Variants in MYLK observed in about 807,000 individuals in gnomAD.
MYLK encodes the protein myosin light chain kinase, smooth muscle.
A neutral mutation model predicts 203.4 loss-of-function variants in MYLK; 106 were observed. The ratio of observed to expected loss-of-function variants is 0.52; its 90% CI spans 0.45 to 0.61. The LOEUF (loss-of-function observed/expected upper bound fraction) is 0.61. Ranked by LOEUF, MYLK falls within the 20% of genes least tolerant of loss-of-function variation. MYLK has a pLI of 0.00. For synonymous variants in MYLK, 867 were observed against 959.5 expected (o/e 0.90, Z 1.78); for missense variants, 2,072 against 2,442.3 (o/e 0.85, Z 3.20).
intron 2 of MYLK, among the ~76,000 whole-genome samples, chr3:123,862,819 A>G (rs577147606): frequency 1.2e-4 from 18 of 151,928 alleles, no homozygotes; most frequent in Non-Finnish European, 2.4e-4. Context: ...TTGTTCTTCC[A>G]AGTTTTTCCG....
chr3:123,857,190 C>G (rs2031474368), intron 2 of MYLK, among the ~76,000 whole-genome samples: 1 of 152,214 alleles, frequency 6.6e-6, no homozygotes, highest in East Asian at 1.9e-4. Flanking sequence ...CACTTTTACG[C>G]TGTTGGTGGG....
Position 123,724,139 on chromosome 3 carries a change from C to CTTTTTTTTTTTTTTTTTTTTTTTTTTT in MYLK, c.1651+1804_1651+1805insAAAAAAAAAAAAAAAAAAAAAAAAAAA. The stretch of plus-strand genomic sequence containing the variant: ...TTTTGCTAAGCCTGGCTAAGTTTTG[C>CTTTTTTTTTTTTTTTTTTTTTTTTTTT]TTTTTTTTTTTTTTTTTTTTTTTTT... On this transcript the variant is annotated intron_variant, in intron 12 of 33. Transcript: ENST00000360304. Among the ~76,000 whole-genome samples, 2 of 80,850 alleles carry CTTTTTTTTTTTTTTTTTTTTTTTTTTT rather than the reference C, an allele frequency of 2.5e-5. 1 individual carries two copies. The highest frequency in any genetic ancestry group is 1.1e-4 in the African/African-American group (2 of 18,890). 53.0% of individuals were successfully genotyped at this position (80,850 alleles called of 152,430 possible). A position where few individuals can be genotyped will look rare whatever the true frequency, so the allele number is the denominator to read the frequency against.
chr3:123,802,642 C>T (rs2065235133), intron 3 of MYLK, among the ~76,000 whole-genome samples: 1 of 152,226 alleles, frequency 6.6e-6, no homozygotes, highest in Non-Finnish European at 1.5e-5. Context: ...ACACACCTAA[C>T]CTCACGCACA....
At chr3:123,856,649 G>A (rs1011114428) in intron 2 of MYLK, among the ~76,000 whole-genome samples, 2 of 152,118 alleles carry the variant, frequency 1.3e-5, no homozygotes, top group African/African-American at 2.4e-5. Context: ...ATAGGAAACA[G>A]GCTCAGAGAA....
At chr3:123,867,873 C>G (rs967680524) in intron 2 of MYLK, among the ~76,000 whole-genome samples, 1 of 152,194 alleles carries the variant, frequency 6.6e-6, no homozygotes, top group African/African-American at 2.4e-5. Flanking sequence ...CCTGCCTCCC[C>G]CAACACCACT....
intron 6 of MYLK, among the ~76,000 whole-genome samples, chr3:123,739,391 C>T (rs1049935362): frequency 5.3e-5 from 8 of 152,192 alleles, no homozygotes; most frequent in Admixed American, 3.9e-4. Flanking sequence ...CTTCCAGGGC[C>T]GACTCATAAG....
chr3:123,696,031 C>T (rs981187056), intron 18 of MYLK, among the ~76,000 whole-genome samples: 9 of 152,184 alleles, frequency 5.9e-5, no homozygotes, highest in South Asian at 2.1e-4. Flanking sequence ...GACACCTCCA[C>T]GTGTCTGTGT....
At chr3:123,759,407 T>G (rs2063464273) in intron 4 of MYLK, among the ~76,000 whole-genome samples, 1 of 152,142 alleles carries the variant, frequency 6.6e-6, no homozygotes, top group African/African-American at 2.4e-5. Flanking sequence ...TGCTACCAAA[T>G]AGAGATGCAC....
At chr3:123,758,223 C>T (rs552019570) in intron 4 of MYLK, among the ~76,000 whole-genome samples, 1 of 152,250 alleles carries the variant, frequency 6.6e-6, no homozygotes, top group South Asian at 2.1e-4. Context: ...TGGCACTCAG[C>T]CCCATAAGCA....
Position 123,621,882 on chromosome 3 carries a change from T to A in MYLK, c.5239-1546A>T, listed in dbSNP as rs2057881878. 2.6e-5 allele frequency: 4 copies of A among 152,270 alleles called. No homozygotes were observed. In the South Asian group the frequency reaches 8.3e-4, roughly 31 times the overall value. 9.4% of individuals were successfully genotyped at this position (152,270 alleles called of 1,614,324 possible). On this transcript the variant is annotated intron_variant, in intron 31 of 33. Coordinates refer to ENST00000360304, the MANE Select transcript of MYLK (RefSeq NM_053025.4). ...GGTGGAGGTGATGAGGAGGGGAAGA[T>A]GGTGAGAGATGAAAACTGAACAACT...
At chr3:123,858,490 A>T (rs898672659) in intron 2 of MYLK, among the ~76,000 whole-genome samples, 2 of 152,180 alleles carry the variant, frequency 1.3e-5, no homozygotes, top group Non-Finnish European at 2.9e-5. Flanking sequence ...CAAGGTCGAG[A>T]GGCTACATCT....
chr3:123,682,123 G>C (rs2060286105), intron 20 of MYLK, 101 bp downstream of exon 20: 1 of 885,914 alleles, frequency 1.1e-6, no homozygotes, highest in South Asian at 1.4e-5. Flanking sequence ...ATTCAGGCAA[G>C]AGTGAGTGAC....
intron 18 of MYLK, among the ~76,000 whole-genome samples, chr3:123,694,443 T>G (rs1163626389): frequency 1.3e-5 from 2 of 151,928 alleles, no homozygotes; most frequent in African/African-American, 4.8e-5. Context: ...GAGAGAACTT[T>G]CCATTCATCT....
At chr3:123,708,627 G>GC in intron 15 of MYLK, 71 bp downstream of exon 15, 1 of 1,567,794 alleles carries the variant, frequency 6.4e-7, no homozygotes, top group African/African-American at 1.3e-5. Context: ...TGGTTTCCTT[G>GC]CCTCCAAATC....
At chr3:123,810,240 C>A (rs909492711) in intron 3 of MYLK, among the ~76,000 whole-genome samples, 1 of 152,210 alleles carries the variant, frequency 6.6e-6, no homozygotes, top group East Asian at 1.9e-4. Flanking sequence ...GCCCCTCCCC[C>A]AGACCTCAGG....
intron 2 of MYLK, among the ~76,000 whole-genome samples, chr3:123,845,599 A>C (rs1003738656): frequency 6.6e-6 from 1 of 152,114 alleles, no homozygotes; most frequent in African/African-American, 2.4e-5. Flanking sequence ...CAAGCAATCC[A>C]TCTGCCGTAG....
chr3:123,827,018 A>G (rs1553859243), intron 3 of MYLK, among the ~76,000 whole-genome samples: 1 of 152,252 alleles, frequency 6.6e-6, no homozygotes, highest in Non-Finnish European at 1.5e-5. Context: ...AAAATCAGAA[A>G]ATATGTTACC....
rs372839274 is a variant in MYLK at position 123,632,315 on chromosome 3, C to G, written c.4962-2689G>C. ...AGCCTGTCTCTTGCCTGTCAGCCAC[C>G]TGCTGCTTCTTTACATTTTCCACTG... On this transcript the variant is annotated intron_variant, in intron 29 of 33. Coordinates refer to ENST00000360304, the MANE Select transcript of MYLK (RefSeq NM_053025.4). 5.3e-5 allele frequency among the ~76,000 whole-genome samples: 8 copies of G among 152,318 alleles called. No individual in the cohort carries two copies. In the South Asian group the frequency reaches 1.5e-3, roughly 28 times the overall value.
In MYLK at chr3:123,700,759, C is replaced by T; in HGVS notation, c.2709G>A (p.Lys903=). 5 of 1,614,216 alleles carry T rather than the reference C, an allele frequency of 3.1e-6. No homozygotes were observed. Among genetic ancestry groups the T allele is most frequent in the Non-Finnish European group, 3.4e-6 (4 of 1,180,028 alleles). The change falls in exon 18 of 34, where the codon AAG becomes AAA. Residue 903 remains lysine (K), a synonymous_variant. Coordinates refer to ENST00000360304, the MANE Select transcript of MYLK (RefSeq NM_053025.4). ...EQLDFRDLLG[K]KVSTKTLSED... ...CCGATAGGGTCTTTGTACTCACCTT[C>T]TTCCCCAGGAGGTCTCGGAAGTCCA...
Sources: allele counts gnomAD v4.1 joint callset (sites outside exome capture counted in the v4.1 genomes callset), GRCh38; gene constraint gnomAD v4.1.1; transcripts MANE v1.5; gene names NCBI Gene and HGNC (gene_info 2026-07-23, HGNC 2026-07-21).